Variants in CGA observed in about 807,000 individuals in gnomAD.
CGA encodes the protein glycoprotein hormones alpha chain.
CGA carries 4 observed loss-of-function variants against 12.0 expected under a neutral mutation model. That is an observed-to-expected ratio of 0.33 (90% confidence interval 0.16 to 0.76). The LOEUF is 0.76. Among genes scored for constraint, CGA ranks in the 30% least tolerant of loss-of-function variants. CGA has a pLI of 0.60. For missense variants in CGA, 102 were observed against 143.5 expected (o/e 0.71, Z 1.48); for synonymous variants, 60 against 56.6 (o/e 1.06, Z -0.27).
At chr6:87,092,690 C>T (rs187255551) in intron 1 of CGA, among the ~76,000 whole-genome samples, 1 of 149,648 alleles carries the variant, frequency 6.7e-6, no homozygotes, top group East Asian at 1.9e-4. Flanking sequence ...TAAGGACTGT[C>T]TGCAGTGGGG....
chr6:87,092,774 G>A (rs1231237884), intron 1 of CGA, among the ~76,000 whole-genome samples: 1 of 125,862 alleles, frequency 7.9e-6, no homozygotes, highest in African/African-American at 3.1e-5. Context: ...TTGAGACATG[G>A]TCTCACTCTG....
chr6:87,094,921 A>G (rs35431724), intron 1 of CGA, 92 bp downstream of exon 1: 19 of 152,326 alleles, frequency 1.2e-4, no homozygotes, highest in African/African-American at 4.6e-4. Flanking sequence ...AGTTCTTATT[A>G]AGGTATATGC....
At chr6:87,094,505 T>A (rs940850548) in intron 1 of CGA, among the ~76,000 whole-genome samples, 4 of 152,188 alleles carry the variant, frequency 2.6e-5, no homozygotes, top group African/African-American at 9.7e-5. Flanking sequence ...AACAACGACA[T>A]TCAAGAAATT....
chr6:87,091,320 T>C (rs911317903), intron 1 of CGA, among the ~76,000 whole-genome samples: 3 of 152,172 alleles, frequency 2.0e-5, no homozygotes, highest in African/African-American at 7.2e-5. Flanking sequence ...GAGATGACAT[T>C]AACCAAGTAA....
intron 1 of CGA, among the ~76,000 whole-genome samples, chr6:87,091,127 A>G (rs1419045641): frequency 6.6e-6 from 1 of 152,212 alleles, no homozygotes; most frequent in African/African-American, 2.4e-5. Context: ...GCAGTGAACA[A>G]CTATATCAGA....
At chr6:87,091,506 T>C (rs1769430977) in intron 1 of CGA, among the ~76,000 whole-genome samples, 1 of 152,218 alleles carries the variant, frequency 6.6e-6, no homozygotes, top group Non-Finnish European at 1.5e-5. Flanking sequence ...ATGCTCAATC[T>C]AAAGTCAGAT....
rs369003016 is a variant in CGA, at chr6:87,086,419, G to A, written c.104C>T (p.Thr35Met). 5.8e-5 allele frequency: 93 copies of A among 1,603,478 alleles called. No homozygotes were observed. Among genetic ancestry groups the A allele is most frequent in the East Asian group, 3.6e-4 (16 of 44,834 alleles). ...APDVQDCPEC[T>M]LQENPFFSQP... ...GGAGAAGAATGGGTTTTCCTGTAGC[G>A]TGCATTCTGGGCAATCTATCAGGGA... The change falls in exon 3 of 4, where the codon ACG (threonine) becomes ATG (methionine). Residue 35 changes from threonine to methionine, a missense_variant. Transcript: ENST00000627148.
At position 87,085,750 on chromosome 6, in the gene CGA, A is replaced by G. The variant is rs1769306321; in HGVS notation, c.*6T>C. The G allele has an allele frequency of 6.2e-7, 1 of 1,602,254 alleles. No homozygotes were observed. Among genetic ancestry groups the G allele is most frequent in the Non-Finnish European group, 8.5e-7 (1 of 1,170,072 alleles). On this transcript the variant is annotated 3_prime_UTR_variant, in exon 4 of 4. Transcript: ENST00000627148. ...GCAGTCATCAAGACAGCACTTGGTA[A>G]AACATTTAAGATTTGTGATAATAAC...
At chr6:87,087,576 G>C (rs555114598) in intron 2 of CGA, 1 of 152,230 alleles carries the variant, frequency 6.6e-6, no homozygotes, top group East Asian at 1.9e-4. Context: ...CCTGCACTTG[G>C]GACCTGGATT....
chr6:87,094,544 A>G (rs2127756105), intron 1 of CGA, among the ~76,000 whole-genome samples: 1 of 152,352 alleles, frequency 6.6e-6, no homozygotes, highest in South Asian at 2.1e-4. Context: ...CTGCATGAGA[A>G]CATCTATTCA....
intron 1 of CGA, among the ~76,000 whole-genome samples, chr6:87,090,764 A>T (rs990240346): frequency 6.6e-6 from 1 of 151,334 alleles, no homozygotes; most frequent in Non-Finnish European, 1.5e-5. Flanking sequence ...CAGCCTCCCG[A>T]ATAGCTGGGA....
At chr6:87,092,227 T>C (rs1270933700) in intron 1 of CGA, among the ~76,000 whole-genome samples, 1 of 152,218 alleles carries the variant, frequency 6.6e-6, no homozygotes, top group Admixed American at 6.5e-5. Flanking sequence ...TTATTTGCAG[T>C]GTGACCTTGT....
In CGA at chr6:87,085,831, G is replaced by T; in HGVS notation, c.276C>A (p.Val92=). ...CCACTTTGAAACCCCCCATTACTGT[G>T]ACCTAAAGGGGAAGGAAAAAAAAAC... The part of the protein sequence containing the change: ...TCCVAKSYNR[V]TVMGGFKVEN... Residue 92 remains valine, a splice_region_variant and synonymous_variant, in exon 4 of 4, where the codon GTC becomes GTA. Transcript: ENST00000627148. The T allele has an allele frequency of 6.3e-7, 1 of 1,597,198 alleles. No individual in the cohort carries two copies. The highest frequency in any genetic ancestry group is 1.1e-5 in the South Asian group (1 of 90,430).
chr6:87,088,324 C>T (rs1769366350), intron 1 of CGA, 117 bp from the exon 2 acceptor site: 2 of 502,452 alleles, frequency 4.0e-6, no homozygotes, highest in Non-Finnish European at 6.9e-6. Flanking sequence ...TCATCAGTGT[C>T]TTGACCTCCC....
At chr6:87,093,575 A>C (rs761905692) in intron 1 of CGA, among the ~76,000 whole-genome samples, 2 of 152,208 alleles carry the variant, frequency 1.3e-5, no homozygotes, top group Non-Finnish European at 2.9e-5. Flanking sequence ...GGTGCTATGA[A>C]CCATGCTGTT....
chr6:87,094,144 G>C (rs1246264711), intron 1 of CGA, among the ~76,000 whole-genome samples: 2 of 152,108 alleles, frequency 1.3e-5, no homozygotes, highest in African/African-American at 4.8e-5. Flanking sequence ...AAAGATTGAA[G>C]AGCTTAAGAA....
intron 1 of CGA, among the ~76,000 whole-genome samples, chr6:87,094,430 A>C (rs1458011817): frequency 6.6e-6 from 1 of 152,244 alleles, no homozygotes; most frequent in African/African-American, 2.4e-5. Flanking sequence ...AAATTCATGA[A>C]TAATAGCTAG....
chr6:87,092,742 C>CTTT (rs35436814), intron 1 of CGA, among the ~76,000 whole-genome samples: 90 of 77,948 alleles, frequency 1.2e-3, no homozygotes, highest in East Asian at 1.9e-3. Flanking sequence ...CATTAGCTTT[C>CTTT]TTTTTTTTTT....
At chr6:87,094,208 T>C (rs966007245) in intron 1 of CGA, among the ~76,000 whole-genome samples, 1 of 152,226 alleles carries the variant, frequency 6.6e-6, no homozygotes, top group African/African-American at 2.4e-5. Flanking sequence ...GGGACCCATA[T>C]AGTGTCAGCC....
Sources: allele counts gnomAD v4.1 joint callset (sites outside exome capture counted in the v4.1 genomes callset), GRCh38; gene constraint gnomAD v4.1.1; transcripts MANE v1.5; gene names NCBI Gene and HGNC (gene_info 2026-07-23, HGNC 2026-07-21).